Variants in RNF220 observed in about 807,000 individuals in gnomAD.
RNF220 encodes E3 ubiquitin-protein ligase RNF220.
Under a neutral mutation model 67.1 loss-of-function variants are expected in RNF220, and 7 were observed. The observed-to-expected ratio is 0.10, with a 90% CI of 0.06 to 0.20. RNF220 has a LOEUF of 0.20. Ranked by LOEUF, RNF220 falls within the 10% of genes least tolerant of loss-of-function variation. The pLI is 1.00. For missense variants in RNF220, 565 were observed against 740.3 expected, an observed-to-expected ratio of 0.76 and a Z score of 2.75; for synonymous variants, 270 against 283.2, an observed-to-expected ratio of 0.95 and a Z score of 0.47.
chr1:44,494,221 AAG>A (rs1491006742), intron 2 of RNF220, among the ~76,000 whole-genome samples: 30 of 151,416 alleles, frequency 2.0e-4, no homozygotes, highest in African/African-American at 7.3e-4. Flanking sequence ...AAAAAAAAAA[AAG>A]AATCATGAGG....
chr1:44,439,892 A>G (rs2147893764), intron 2 of RNF220, among the ~76,000 whole-genome samples: 1 of 152,346 alleles, frequency 6.6e-6, no homozygotes, highest in South Asian at 2.1e-4. Context: ...TTGAAATAAA[A>G]TGTGATGAGT....
intron 2 of RNF220, among the ~76,000 whole-genome samples, chr1:44,496,015 T>C (rs1657315427): frequency 6.6e-6 from 1 of 152,186 alleles, no homozygotes; most frequent in African/African-American, 2.4e-5. Flanking sequence ...TATGCCTTGC[T>C]AAGAAGCTTA....
chr1:44,650,395 G>A lies in RNF220; in HGVS notation c.1630-309G>A. 1 of 474,338 alleles carries A rather than the reference G, an allele frequency of 2.1e-6. No homozygotes were observed. Among genetic ancestry groups the A allele is most frequent in the East Asian group, 3.7e-5 (1 of 27,008 alleles). The allele number at this position is 474,338 out of a possible 1,614,324, so 29.4% of individuals were successfully genotyped here. ...ACAGTAATAAAAGGCTCGGACGTGG[G>A]CTCTGTGTCCTGATCAAAGGCCGCG... On this transcript the variant is annotated intron_variant, in intron 14 of 14. Transcript: ENST00000361799. This position sits in a 1 kb window ranked among gnomAD's most constrained non-coding sequence, Gnocchi z 4.3.
rs981178641 is a variant in RNF220 at position 44,621,583 on chromosome 1, C to T, written c.759-1159C>T. On this transcript the variant is annotated intron_variant, in intron 3 of 14. Transcript: ENST00000361799. The surrounding 1 kb of genome is among the most constrained non-coding windows in gnomAD (Gnocchi z 4.8). ...CAGGTGAACATCCCTTCCCCTTCTCCCCTGTCCCCCACTGAGAGTCACTGC... is the reference window on the plus strand; with the variant it reads ...CAGGTGAACATCCCTTCCCCTTCTCTCCTGTCCCCCACTGAGAGTCACTGC... 2.0e-5 allele frequency among the ~76,000 whole-genome samples: 3 copies of T among 152,270 alleles called. No individual in the cohort carries two copies. In the South Asian group the frequency reaches 6.2e-4, roughly 32 times the overall value.
At chr1:44,497,020 T>C (rs1173672386) in intron 2 of RNF220, among the ~76,000 whole-genome samples, 2 of 152,116 alleles carry the variant, frequency 1.3e-5, no homozygotes, top group Non-Finnish European at 2.9e-5. Context: ...TGGCCTGTAA[T>C]GTCTCCTCTG....
intron 2 of RNF220, among the ~76,000 whole-genome samples, chr1:44,470,154 A>G (rs1397119184): frequency 6.6e-6 from 1 of 152,226 alleles, no homozygotes; most frequent in African/African-American, 2.4e-5. Flanking sequence ...GAAGTAGAGC[A>G]ATGTGGACAT....
intron 2 of RNF220, among the ~76,000 whole-genome samples, chr1:44,594,963 G>A (rs1002230098): frequency 6.6e-6 from 1 of 152,202 alleles, no homozygotes; most frequent in African/African-American, 2.4e-5. Flanking sequence ...AGGAGTGAGG[G>A]TGAAGATTGG....
chr1:44,617,150 A>G (rs1159636911), intron 3 of RNF220, among the ~76,000 whole-genome samples: 1 of 149,956 alleles, frequency 6.7e-6, no homozygotes, highest in Non-Finnish European at 1.5e-5. Flanking sequence ...GCCCCCCTCC[A>G]ACCGGGTGTC....
intron 8 of RNF220, 124 bp downstream of exon 8, chr1:44,636,286 C>A: frequency 7.7e-7 from 1 of 1,298,622 alleles, no homozygotes; most frequent in Non-Finnish European, 1.1e-6. Flanking sequence ...CACGTGGGGA[C>A]TGCTGCTGGT....
chr1:44,580,023 T>C (rs1665118851), intron 2 of RNF220, among the ~76,000 whole-genome samples: 1 of 72,126 alleles, frequency 1.4e-5, no homozygotes, highest in Non-Finnish European at 2.5e-5. Flanking sequence ...AGCAAGACCC[T>C]GTCTCACAAA....
intron 2 of RNF220, among the ~76,000 whole-genome samples, chr1:44,563,326 C>T (rs1166133115): frequency 6.6e-6 from 1 of 152,210 alleles, no homozygotes; most frequent in African/African-American, 2.4e-5. Flanking sequence ...GGTGGCCCCC[C>T]TGCTTCAGGA....
chr1:44,529,635 C>T (rs1660678553), intron 2 of RNF220, among the ~76,000 whole-genome samples: 1 of 152,160 alleles, frequency 6.6e-6, no homozygotes, highest in Admixed American at 6.5e-5. Context: ...CTGGGCCTCC[C>T]AAAGTGCTGG....
intron 2 of RNF220, among the ~76,000 whole-genome samples, chr1:44,480,223 G>C (rs1389466212): frequency 6.6e-6 from 1 of 152,060 alleles, no homozygotes; most frequent in Non-Finnish European, 1.5e-5. Flanking sequence ...GGCCAACATG[G>C]TGATATGCCA....
At position 44,650,748 on chromosome 1, in the gene RNF220, C is replaced by T. The variant is rs768575351; in HGVS notation, c.1674C>T (p.Pro558=). The change falls in exon 15 of 15, where the codon CCC becomes CCT. Residue 558 remains proline (P), a synonymous_variant. Coordinates refer to ENST00000361799, the MANE Select transcript of RNF220 (RefSeq NM_018150.4). The surrounding 1 kb of genome is among the most constrained non-coding windows in gnomAD (Gnocchi z 4.3). ...CTCAGTGCAACACGATCACAGCGCCCGGAGACCTGCGGAGGATCTACTTGT... is the reference window on the plus strand; with the variant it reads ...CTCAGTGCAACACGATCACAGCGCCTGGAGACCTGCGGAGGATCTACTTGT... ...LCPQCNTITA[P]GDLRRIYL 1.2e-5 allele frequency: 19 copies of T among 1,613,748 alleles called. No individual in the cohort carries two copies. Among genetic ancestry groups the T allele is most frequent in the South Asian group, 4.4e-5 (4 of 91,080 alleles).
intron 1 of RNF220, among the ~76,000 whole-genome samples, chr1:44,409,549 C>T (rs1413256798): frequency 1.3e-5 from 2 of 152,172 alleles, no homozygotes; most frequent in African/African-American, 4.8e-5. Flanking sequence ...ATGTCAATTC[C>T]ACTGCTCGGA....
At chr1:44,456,672 G>C (rs763184169) in intron 2 of RNF220, among the ~76,000 whole-genome samples, 2 of 152,200 alleles carry the variant, frequency 1.3e-5, no homozygotes, top group Admixed American at 1.3e-4. Flanking sequence ...TGTTGTCTAC[G>C]TGGCAGCCAG....
intron 2 of RNF220, among the ~76,000 whole-genome samples, chr1:44,453,632 C>T (rs1325516010): frequency 1.3e-5 from 2 of 151,772 alleles, no homozygotes; most frequent in Non-Finnish European, 2.9e-5. Context: ...ACAGAACCAT[C>T]CCCTGCATTA....
rs564661512 is a variant in RNF220, at chr1:44,442,822, C to G, written c.625+30100C>G. Among the ~76,000 whole-genome samples, 7 of 152,216 alleles carry G rather than the reference C, an allele frequency of 4.6e-5. No homozygotes were observed. The South Asian group carries it at 1.5e-3, about 32-fold the overall frequency. ...ATGAGCCACCATGCCTGGCCTACCC[C>G]TCTTTAAAAATAAACAAAGCCAGAA... On this transcript the variant is annotated intron_variant, in intron 2 of 14. Transcript: ENST00000361799.
In RNF220 at chr1:44,412,379, C is replaced by T. The variant is rs756655385; in HGVS notation, c.282C>T (p.His94=). The change falls in exon 2 of 15, where the codon CAC becomes CAT. Residue 94 remains histidine (H), a synonymous_variant. Transcript: ENST00000361799. This position sits in a 1 kb window ranked among gnomAD's most constrained non-coding sequence, Gnocchi z 5.3. ...ANRDFPPSLL[H]LHPQFAPPNL... ...GTGATTTCCCCCCTTCTCTACTACA[C>T]CTCCACCCTCAATTTGCTCCCCCAA... 8.1e-6 allele frequency: 13 copies of T among 1,613,866 alleles called. No homozygotes were observed. Among genetic ancestry groups the T allele is most frequent in the Non-Finnish European group, 1.1e-5 (13 of 1,179,878 alleles).
Sources: gnomAD v4.1 joint callset for allele counts (sites outside exome capture counted in the v4.1 genomes callset) on GRCh38, gnomAD v4.1.1 for gene constraint, Gnocchi (gnomAD v3.1) non-coding constraint, MANE v1.5 for transcripts, NCBI Gene and HGNC (gene_info 2026-07-23, HGNC 2026-07-21) for gene names.